The following KIF4A variants were observed in gnomAD, a reference collection of about 807,000 sequenced individuals.
KIF4A encodes kinesin family member 4A, also known as chromosome-associated kinesin KIF4A.
Under a neutral mutation model 105.9 loss-of-function variants are expected in KIF4A, and 7 were observed. That is an observed-to-expected ratio of 0.07 (90% CI 0.04 to 0.12). The LOEUF is 0.12. Ranked by LOEUF, KIF4A falls within the 10% of genes least tolerant of loss-of-function variation. The pLI is 1.00. For synonymous variants in KIF4A, 281 were observed against 331.3 expected (o/e 0.85, Z 1.65); for missense variants, 558 against 929.2 (o/e 0.60, Z 5.19).
At chrX:70,393,313 T>C (rs1298541747) in intron 20 of KIF4A, among the ~76,000 whole-genome samples, 1 of 111,639 alleles carries the variant, frequency 9.0e-6, no homozygotes, top group Non-Finnish European at 1.9e-5. Context: ...ATGACTTGAA[T>C]CCTTTTGAAC....
chrX:70,342,129 A>G (rs2085974886), intron 11 of KIF4A, among the ~76,000 whole-genome samples, 198 bp downstream of exon 11: 1 of 112,762 alleles, frequency 8.9e-6, no homozygotes, highest in African/African-American at 3.2e-5. Flanking sequence ...AAAGAATTGT[A>G]CAGTGAACAC....
chrX:70,291,323 A>G (rs747776750), intron 3 of KIF4A, among the ~76,000 whole-genome samples: 8 of 111,994 alleles, frequency 7.1e-5, no homozygotes, highest in Non-Finnish European at 1.3e-4. Context: ...CTATGGAAGT[A>G]GTAGCTCTGC....
chrX:70,412,026 C>T (rs2147742172), intron 28 of KIF4A, among the ~76,000 whole-genome samples: 1 of 111,296 alleles, frequency 9.0e-6, no homozygotes, highest in South Asian at 3.9e-4. Context: ...GTATTAAATA[C>T]ATTTGTAGTT....
chrX:70,380,321 A>G (rs1414992006), intron 18 of KIF4A, among the ~76,000 whole-genome samples: 5 of 111,839 alleles, frequency 4.5e-5, no homozygotes, highest in African/African-American at 1.6e-4. Context: ...AAAAAAAAGG[A>G]TGATACACTT....
At chrX:70,405,185 T>G (rs2086295700) in intron 25 of KIF4A, among the ~76,000 whole-genome samples, 1 of 111,650 alleles carries the variant, frequency 9.0e-6, no homozygotes, top group African/African-American at 3.2e-5. Context: ...TCTTCTGTGC[T>G]GAGACCTGAC....
At chrX:70,323,408 G>A (rs749133663) in intron 7 of KIF4A, among the ~76,000 whole-genome samples, 26 of 111,145 alleles carry the variant, frequency 2.3e-4, no homozygotes, top group Non-Finnish European at 4.3e-4. Context: ...CCCCAGCATA[G>A]CACCTGACAT....
At chrX:70,372,870 A>C (rs2086146084) in intron 15 of KIF4A, among the ~76,000 whole-genome samples, 2 of 112,787 alleles carry the variant, frequency 1.8e-5, no homozygotes, top group Non-Finnish European at 3.8e-5. Flanking sequence ...GTTATTATTA[A>C]TTATTGACAT....
chrX:70,325,336 G>A (rs2085906936), intron 7 of KIF4A, among the ~76,000 whole-genome samples: 1 of 111,148 alleles, frequency 9.0e-6, no homozygotes, highest in African/African-American at 3.3e-5. Flanking sequence ...GGAGTGCAGT[G>A]GCACAATCTT....
At chrX:70,328,230 G>T (rs1651264487) in intron 7 of KIF4A, among the ~76,000 whole-genome samples, 1 of 111,815 alleles carries the variant, frequency 8.9e-6, no homozygotes. Flanking sequence ...CAGTTCTGGA[G>T]ACTGAGAAGT....
At chrX:70,390,522 C>T (rs1043185027) in intron 20 of KIF4A, among the ~76,000 whole-genome samples, 2 of 110,791 alleles carry the variant, frequency 1.8e-5, no homozygotes, top group Non-Finnish European at 3.8e-5. Flanking sequence ...TTTTCAGGAG[C>T]TTTTTTTTCT....
intron 18 of KIF4A, among the ~76,000 whole-genome samples, chrX:70,379,106 T>C: frequency 9.4e-6 from 1 of 106,095 alleles, no homozygotes; most frequent in East Asian, 2.9e-4. Context: ...GAGCTTGCAG[T>C]GAGCAGAGAT....
At chrX:70,337,614 T>C (rs982447051) in intron 10 of KIF4A, among the ~76,000 whole-genome samples, 13 of 111,142 alleles carry the variant, frequency 1.2e-4, no homozygotes, top group Non-Finnish European at 2.3e-4. Flanking sequence ...GAGGCTACAG[T>C]GAGCTATGAT....
intron 18 of KIF4A, among the ~76,000 whole-genome samples, chrX:70,383,894 G>A (rs903094930): frequency 1.8e-5 from 2 of 111,868 alleles, no homozygotes; most frequent in African/African-American, 6.5e-5. Flanking sequence ...TTGGGGTGGG[G>A]TGATGGGGTT....
chrX:70,406,164 A>T, intron 26 of KIF4A, 95 bp from the exon 27 acceptor site: 1 of 702,625 alleles, frequency 1.4e-6, no homozygotes, highest in Non-Finnish European at 2.2e-6. Context: ...ACTATGGTTT[A>T]ACGTTAAGCT....
intron 13 of KIF4A, among the ~76,000 whole-genome samples, chrX:70,347,832 G>A (rs1216605114): frequency 2.1e-5 from 2 of 97,506 alleles, no homozygotes; most frequent in Admixed American, 1.1e-4. Context: ...AAAATTAGCC[G>A]GGCGTGGTAG....
Position 70,310,348 on chromosome X carries a change from T to TGTGTGTGTGTGC in KIF4A, c.778+7951_778+7952insTGTGTGTGTGCG, listed in dbSNP as rs56051172. Reference sequence around the variant, plus strand: ...GTGTGTGTGTGTGTGTGTGTGTGTGTGCCTGGATTCTTTTGCTCAACATAG... The same window carrying TGTGTGTGTGTGC: ...GTGTGTGTGTGTGTGTGTGTGTGTGTGTGTGTGTGTGCGCCTGGATTCTTTTGCTCAACATAG... On this transcript the variant is annotated intron_variant, in intron 7 of 30. Transcript: ENST00000374403. 6.4e-3 allele frequency among the ~76,000 whole-genome samples: 691 copies of TGTGTGTGTGTGC among 107,545 alleles called. 2 individuals carry two copies. Among genetic ancestry groups the TGTGTGTGTGTGC allele is most frequent in the Middle Eastern group, 9.4e-3 (2 of 212 alleles). 93.4% of individuals were successfully genotyped at this position (107,545 alleles called of 115,157 possible).
chrX:70,333,499 T>C (rs2085939254), intron 9 of KIF4A, 129 bp from the exon 10 acceptor site: 3 of 483,162 alleles, frequency 6.2e-6, no homozygotes, highest in Non-Finnish European at 7.4e-6. Flanking sequence ...ATCTAAGGTA[T>C]GCTATCTGCC....
chrX:70,374,041 T>G, intron 15 of KIF4A, 110 bp from the exon 16 acceptor site: 1 of 390,438 alleles, frequency 2.6e-6, no homozygotes, highest in Non-Finnish European at 4.4e-6. Flanking sequence ...CAGCGTGCAG[T>G]TGAAGTGGTA....
intron 18 of KIF4A, among the ~76,000 whole-genome samples, chrX:70,384,701 G>A (rs1474859546): frequency 9.0e-6 from 1 of 111,429 alleles, no homozygotes; most frequent in Non-Finnish European, 1.9e-5. Flanking sequence ...TACAGCCTGG[G>A]CGACAGAGGG....
Sources: gnomAD v4.1 joint callset for allele counts (sites outside exome capture counted in the v4.1 genomes callset) on GRCh38, gnomAD v4.1.1 for gene constraint, MANE v1.5 for transcripts, NCBI Gene and HGNC (gene_info 2026-07-23, HGNC 2026-07-21) for gene names.